RAB11FIP3: variants seen among roughly 807,000 people sequenced by gnomAD.
RAB11FIP3 encodes RAB11 family interacting protein 3.
A neutral mutation model predicts 77.8 loss-of-function variants in RAB11FIP3; 17 were observed. The ratio of observed to expected loss-of-function variants is 0.22; its 90% CI spans 0.15 to 0.33. RAB11FIP3 has a LOEUF of 0.33. RAB11FIP3 is among the 10% of genes least tolerant of loss of function. The pLI is 1.00. For synonymous variants in RAB11FIP3, 437 were observed against 448.2 expected (o/e 0.98, Z 0.31); for missense variants, 1,005 against 1,011.2 (o/e 0.99, Z 0.08).
intron 2 of RAB11FIP3, among the ~76,000 whole-genome samples, chr16:464,653 T>C (rs2055671623): frequency 6.6e-6 from 1 of 152,146 alleles, no homozygotes; most frequent in Non-Finnish European, 1.5e-5. Context: ...CCCAGCACTT[T>C]GGGAGACTGA....
chr16:458,187 C>T (rs567087449), intron 1 of RAB11FIP3, among the ~76,000 whole-genome samples: 32 of 152,362 alleles, frequency 2.1e-4, no homozygotes, highest in South Asian at 1.0e-3. Context: ...CACGGGGGCC[C>T]GGGCCTTGCT....
chr16:444,847 G>A (rs1168490294), intron 1 of RAB11FIP3, among the ~76,000 whole-genome samples: 2 of 152,032 alleles, frequency 1.3e-5, no homozygotes, highest in African/African-American at 4.8e-5. Context: ...TGGTGCGGTG[G>A]CTCACGCCTG....
rs1244025800 is a variant in RAB11FIP3, at chr16:514,330, C to T, written c.1640+3530C>T. ...GCCTGGCCTCTGCCCATCTGGTGTA[C>T]AGGAAGACCCTGGTCAGTGCAAAGA... On this transcript the variant is annotated intron_variant, in intron 9 of 13. Coordinates refer to ENST00000262305, the MANE Select transcript of RAB11FIP3 (RefSeq NM_014700.4). This position sits in a 1 kb window ranked among gnomAD's most constrained non-coding sequence, Gnocchi z 4.6. 6.6e-6 allele frequency among the ~76,000 whole-genome samples: 1 copy of T among 151,884 alleles called. No individual in the cohort carries two copies. The highest frequency in any genetic ancestry group is 1.5e-5 in the Non-Finnish European group (1 of 68,046).
chr16:495,282 G>GC (rs1287252216), intron 5 of RAB11FIP3, among the ~76,000 whole-genome samples: 1 of 152,066 alleles, frequency 6.6e-6, no homozygotes, highest in East Asian at 1.9e-4. Flanking sequence ...CCGGGGCAGA[G>GC]CCCCCCAGCT....
chr16:485,672 A>G (rs1423325932), intron 4 of RAB11FIP3, among the ~76,000 whole-genome samples: 2 of 152,196 alleles, frequency 1.3e-5, no homozygotes, highest in East Asian at 3.9e-4. Context: ...TGGCCTCCCA[A>G]AGTGCTGGGA....
rs2031853380 is a variant in RAB11FIP3 at position 506,016 on chromosome 16, G to A, written c.1499+389G>A. Among the ~76,000 whole-genome samples the A allele has an allele frequency of 6.6e-6, 1 of 152,232 alleles. No individual in the cohort carries two copies. Among genetic ancestry groups the A allele is most frequent in the Non-Finnish European group, 1.5e-5 (1 of 68,032 alleles). ...GGTCCATACGGGGTTTGCCCGTCCT[G>A]GAAGAATGCAGGTTAGAGAAGTCGC... On this transcript the variant is annotated intron_variant, in intron 8 of 13. Transcript: ENST00000262305. The surrounding 1 kb of genome is among the most constrained non-coding windows in gnomAD (Gnocchi z 4.5).
intron 3 of RAB11FIP3, 178 bp from the exon 4 acceptor site, chr16:482,347 C>T (rs1265610131): frequency 1.1e-5 from 8 of 723,812 alleles, no homozygotes; most frequent in African/African-American, 3.5e-5. Context: ...TGAGTCACCG[C>T]GCCCAGCCTG....
chr16:449,756 C>T (rs764310859), intron 1 of RAB11FIP3, among the ~76,000 whole-genome samples: 37 of 151,858 alleles, frequency 2.4e-4, no homozygotes, highest in Non-Finnish European at 4.3e-4. Context: ...GTTTGAGACC[C>T]GCCTGGCCAA....
chr16:486,707 G>A (rs2056161785), intron 4 of RAB11FIP3, among the ~76,000 whole-genome samples: 1 of 152,176 alleles, frequency 6.6e-6, no homozygotes, highest in Admixed American at 6.5e-5. Flanking sequence ...GGCCTTCTCT[G>A]TTCCCGTCAA....
At chr16:469,152 G>A (rs2055767056) in intron 2 of RAB11FIP3, among the ~76,000 whole-genome samples, 1 of 151,986 alleles carries the variant, frequency 6.6e-6, no homozygotes, top group Non-Finnish European at 1.5e-5. Flanking sequence ...TGCAACCTCT[G>A]CCTCCCGGGT....
In RAB11FIP3 at chr16:505,987, C is replaced by G. The variant is rs1383605858; in HGVS notation, c.1499+360C>G. 6.6e-6 allele frequency among the ~76,000 whole-genome samples: 1 copy of G among 152,238 alleles called. No individual in the cohort carries two copies. Among genetic ancestry groups the G allele is most frequent in the East Asian group, 1.9e-4 (1 of 5,194 alleles). On this transcript the variant is annotated intron_variant, in intron 8 of 13. Coordinates refer to ENST00000262305, the MANE Select transcript of RAB11FIP3 (RefSeq NM_014700.4). The surrounding 1 kb of genome is among the most constrained non-coding windows in gnomAD (Gnocchi z 4.0). Reference sequence around the variant, plus strand: ...GCCTGGAGGTGCAGCTCTCCCACCACTCTGGTCCATACGGGGTTTGCCCGT... The same window carrying G: ...GCCTGGAGGTGCAGCTCTCCCACCAGTCTGGTCCATACGGGGTTTGCCCGT...
intron 2 of RAB11FIP3, among the ~76,000 whole-genome samples, chr16:466,562 G>C (rs1308117252): frequency 1.3e-5 from 2 of 152,230 alleles, no homozygotes; most frequent in African/African-American, 4.8e-5. Flanking sequence ...CCTCGGAGGA[G>C]CCCGATGCTC....
intron 8 of RAB11FIP3, among the ~76,000 whole-genome samples, chr16:508,950 C>G (rs1408821404): frequency 6.6e-6 from 1 of 150,904 alleles, no homozygotes; most frequent in Non-Finnish European, 1.5e-5. Flanking sequence ...GTTGCCCAGG[C>G]TGTAGTGCAG....
intron 9 of RAB11FIP3, among the ~76,000 whole-genome samples, chr16:511,218 C>G (rs1418377665): frequency 7.5e-6 from 1 of 133,224 alleles, no homozygotes; most frequent in African/African-American, 2.9e-5. Flanking sequence ...GCCCGCCCAC[C>G]CCAGAAACTG....
intron 3 of RAB11FIP3, among the ~76,000 whole-genome samples, chr16:477,971 A>G (rs1217195308): frequency 6.6e-6 from 1 of 152,120 alleles, no homozygotes; most frequent in Non-Finnish European, 1.5e-5. Flanking sequence ...ACGAGAATTT[A>G]TAACCCCCGT....
intron 1 of RAB11FIP3, among the ~76,000 whole-genome samples, chr16:430,323 A>T (rs1003241826): frequency 6.6e-6 from 1 of 152,140 alleles, no homozygotes; most frequent in Non-Finnish European, 1.5e-5. Context: ...TTTAAAGATT[A>T]TAACTGTAAT....
intron 4 of RAB11FIP3, among the ~76,000 whole-genome samples, chr16:483,979 A>G (rs1333802675): frequency 6.6e-6 from 1 of 151,984 alleles, no homozygotes; most frequent in Non-Finnish European, 1.5e-5. Context: ...CTGTCTCCCC[A>G]AGATGCATAA....
At chr16:468,525 A>T (rs73494395) in intron 2 of RAB11FIP3, among the ~76,000 whole-genome samples, 1 of 152,056 alleles carries the variant, frequency 6.6e-6, no homozygotes, top group Non-Finnish European at 1.5e-5. Flanking sequence ...CACTTCAGCC[A>T]AAGTTCACTT....
intron 4 of RAB11FIP3, among the ~76,000 whole-genome samples, chr16:485,120 G>A (rs1394594258): frequency 6.6e-6 from 1 of 152,088 alleles, no homozygotes; most frequent in Non-Finnish European, 1.5e-5. Flanking sequence ...TTCTCTAGAA[G>A]AGTTGCAGGC....
Sources: allele counts gnomAD v4.1 joint callset (sites outside exome capture counted in the v4.1 genomes callset), GRCh38; gene constraint gnomAD v4.1.1; non-coding constraint Gnocchi (gnomAD v3.1); transcripts MANE v1.5; gene names NCBI Gene and HGNC (gene_info 2026-07-23, HGNC 2026-07-21).